Variants in FAM184B observed in about 807,000 individuals in gnomAD.
FAM184B encodes protein FAM184B.
Under a neutral mutation model 135.9 loss-of-function variants are expected in FAM184B, and 111 were observed. That is an observed-to-expected ratio of 0.82 (90% CI 0.70 to 0.96). The LOEUF is 0.96. FAM184B is among the 40% of genes least tolerant of loss of function. FAM184B has a pLI of 0.00. For synonymous variants in FAM184B, 552 were observed against 524.8 expected (o/e 1.05, Z -0.71); for missense variants, 1,375 against 1,323.9 (o/e 1.04, Z -0.60).
chr4:17,682,020 C>G (rs1716453162), intron 7 of FAM184B, among the ~76,000 whole-genome samples: 1 of 152,144 alleles, frequency 6.6e-6, no homozygotes, highest in Non-Finnish European at 1.5e-5. Flanking sequence ...AAGATTGGGC[C>G]TCATTCTCCT....
At chr4:17,768,337 C>T (rs1172848619) in intron 1 of FAM184B, among the ~76,000 whole-genome samples, 2 of 152,104 alleles carry the variant, frequency 1.3e-5, no homozygotes, top group East Asian at 3.9e-4. Flanking sequence ...TGCAGTGTTG[C>T]GATTTCAGCT....
At chr4:17,729,133 C>T (rs934186540) in intron 1 of FAM184B, among the ~76,000 whole-genome samples, 10 of 152,214 alleles carry the variant, frequency 6.6e-5, no homozygotes, top group African/African-American at 1.9e-4. Context: ...CCTGCGCCCA[C>T]GGAGTCTTGC....
Position 17,709,586 on chromosome 4 carries a change from C to T in FAM184B, c.200G>A (p.Arg67Gln), listed in dbSNP as rs1717207796. ...DEAEASMEALREAHQEELQNA... is the reference protein window; with the variant it reads ...DEAEASMEALQEAHQEELQNA... ...CTGGAGCTCCTCCTGGTGCGCTTCCCGCAGCGCCTCCATGCTGGCCTCAGC... is the reference window on the plus strand; with the variant it reads ...CTGGAGCTCCTCCTGGTGCGCTTCCTGCAGCGCCTCCATGCTGGCCTCAGC... Residue 67 changes from arginine (R) to glutamine (Q), a missense_variant, in exon 2 of 18, where the codon CGG (arginine) becomes CAG (glutamine). Transcript: ENST00000265018. The T allele has an allele frequency of 1.9e-6, 3 of 1,545,758 alleles. No individual in the cohort carries two copies. The highest frequency in any genetic ancestry group is 2.4e-5 in the East Asian group (1 of 40,912).
At chr4:17,744,442 C>T (rs1242165637) in intron 1 of FAM184B, among the ~76,000 whole-genome samples, 1 of 149,768 alleles carries the variant, frequency 6.7e-6, no homozygotes, top group Non-Finnish European at 1.5e-5. Context: ...TGCCATGAGT[C>T]ACTCATTCTC....
intron 1 of FAM184B, among the ~76,000 whole-genome samples, chr4:17,749,478 G>A (rs1007473633): frequency 6.6e-6 from 1 of 151,674 alleles, no homozygotes; most frequent in African/African-American, 2.4e-5. Flanking sequence ...CACTATCAAT[G>A]GAAACAGATC....
intron 15 of FAM184B, among the ~76,000 whole-genome samples, chr4:17,635,388 A>G (rs1422922994): frequency 6.6e-6 from 1 of 152,098 alleles, no homozygotes; most frequent in Non-Finnish European, 1.5e-5. Flanking sequence ...CCTAATGCAG[A>G]AAGTTAGTAA....
chr4:17,693,613 G>C (rs1716788512), intron 5 of FAM184B, among the ~76,000 whole-genome samples: 4 of 152,112 alleles, frequency 2.6e-5, no homozygotes, highest in Admixed American at 2.6e-4. Context: ...TATATATAGG[G>C]GTGGGGCGGG....
At chr4:17,727,330 C>T (rs1176703571) in intron 1 of FAM184B, among the ~76,000 whole-genome samples, 3 of 152,192 alleles carry the variant, frequency 2.0e-5, no homozygotes, top group Non-Finnish European at 4.4e-5. Context: ...TGACAAGAGA[C>T]CTGAGTCCCA....
chr4:17,646,669 T>G lies in FAM184B; in HGVS notation c.2346+968A>C, dbSNP rs189398214. ...GGGTGCAGCACACCAACATGGCACA[T>G]GCACACATATGTAACAAACCTGCAC... On this transcript the variant is annotated intron_variant, in intron 12 of 17. Coordinates refer to ENST00000265018, the MANE Select transcript of FAM184B (RefSeq NM_015688.2). Among the ~76,000 whole-genome samples, 5 of 152,242 alleles carry G rather than the reference T, an allele frequency of 3.3e-5. No homozygotes were observed. The East Asian group carries it at 7.7e-4, about 23-fold the overall frequency.
At chr4:17,647,388 C>T (rs1321860712) in intron 12 of FAM184B, among the ~76,000 whole-genome samples, 1 of 151,922 alleles carries the variant, frequency 6.6e-6, no homozygotes, top group Non-Finnish European at 1.5e-5. Context: ...GCCAGTATTA[C>T]AGGCATATGC....
intron 1 of FAM184B, among the ~76,000 whole-genome samples, chr4:17,765,149 A>G (rs1353880317): frequency 1.3e-5 from 2 of 152,224 alleles, no homozygotes; most frequent in Admixed American, 6.5e-5. Flanking sequence ...GGATGGTGGG[A>G]GGAGAAAGTG....
rs752089537 is a variant in FAM184B, at chr4:17,688,447, G to A, written c.1573C>T (p.His525Tyr). 6.4e-7 allele frequency: 1 copy of A among 1,550,790 alleles called. No individual in the cohort carries two copies. The highest frequency in any genetic ancestry group is 1.2e-5 in the South Asian group (1 of 83,892). Residue 525 changes from histidine to tyrosine, a missense_variant, in exon 7 of 18, where the codon CAC becomes TAC. Coordinates refer to ENST00000265018, the MANE Select transcript of FAM184B (RefSeq NM_015688.2). ...EESPQELGRQ[H>Y]CSILETQDPC... ...ACCTGGGTCTCCAGAATGCTGCAGT[G>A]CTGGCGGCCTAATTCCTGGGGACTT...
At chr4:17,638,308 C>T (rs1042587171) in intron 14 of FAM184B, among the ~76,000 whole-genome samples, 2 of 151,948 alleles carry the variant, frequency 1.3e-5, no homozygotes, top group African/African-American at 4.8e-5. Context: ...CCCGCCTCAG[C>T]CTTCCAAGTA....
chr4:17,664,681 A>T, intron 7 of FAM184B, 22 bp from the exon 8 acceptor site: 7 of 572,070 alleles, frequency 1.2e-5, no homozygotes, highest in Non-Finnish European at 1.4e-5. Context: ...AAAGAAAAAG[A>T]AAAAAAAAAA....
In FAM184B at chr4:17,641,506, T is replaced by C. The variant is rs1477831491; in HGVS notation, c.2519+550A>G. Among the ~76,000 whole-genome samples, 4 of 114,698 alleles carry C rather than the reference T, an allele frequency of 3.5e-5. No homozygotes were observed. The South Asian group carries it at 1.3e-3, about 38-fold the overall frequency. 75.2% of individuals were successfully genotyped at this position (114,698 alleles called of 152,430 possible). On this transcript the variant is annotated intron_variant, in intron 13 of 17. Transcript: ENST00000265018. ...TTTTTTTTTTTTTTTTGAGACGGAG[T>C]CTTGCATTGTCGCCCAGGCTGGAGT... is the stretch of plus-strand genomic sequence containing the variant.
rs756241582 is a variant in FAM184B, at chr4:17,768,093, A to G, written c.141+13066T>C. Among the ~76,000 whole-genome samples, 165 of 152,352 alleles carry G rather than the reference A, an allele frequency of 1.1e-3. 2 individuals are homozygous for G. Among genetic ancestry groups the G allele is most frequent in the Non-Finnish European group, 2.2e-3 (149 of 68,030 alleles). ...AATTAGAATTACATATAATTTTCCA[A>G]CTGTCACAGAAGTTCTTTTGATTTT... On this transcript the variant is annotated intron_variant, in intron 1 of 17. Coordinates refer to ENST00000265018, the MANE Select transcript of FAM184B (RefSeq NM_015688.2).
intron 1 of FAM184B, among the ~76,000 whole-genome samples, chr4:17,757,338 G>A (rs1051200405): frequency 6.6e-6 from 1 of 152,130 alleles, no homozygotes; most frequent in Non-Finnish European, 1.5e-5. Context: ...TCAACGTATT[G>A]CAACATATAA....
intron 12 of FAM184B, among the ~76,000 whole-genome samples, chr4:17,643,667 T>G (rs564887586): frequency 3.3e-5 from 5 of 152,314 alleles, no homozygotes; most frequent in Admixed American, 3.3e-4. Context: ...GATTCATCAT[T>G]TGTTAATATT....
intron 1 of FAM184B, among the ~76,000 whole-genome samples, chr4:17,747,253 C>A (rs1349192743): frequency 6.6e-6 from 1 of 151,866 alleles, no homozygotes; most frequent in African/African-American, 2.4e-5. Context: ...AGGAATTTGT[C>A]CCCCAGGTGG....
Sources: allele counts gnomAD v4.1 joint callset (sites outside exome capture counted in the v4.1 genomes callset), GRCh38; gene constraint gnomAD v4.1.1; transcripts MANE v1.5; gene names NCBI Gene and HGNC (gene_info 2026-07-23, HGNC 2026-07-21).